Variants in FAM228A observed in about 807,000 individuals in gnomAD.
FAM228A encodes the protein protein FAM228A.
A neutral mutation model predicts 18.6 loss-of-function variants in FAM228A; 13 were observed. The observed-to-expected ratio is 0.70, with a 90% CI of 0.45 to 1.11. The LOEUF (loss-of-function observed/expected upper bound fraction) is 1.11. Among genes scored for constraint, FAM228A ranks in the 50% least tolerant of loss-of-function variants. The probability of loss-of-function intolerance (pLI) is 0.00; values close to 1 mark genes in which losing one functional copy is unlikely to be tolerated. For synonymous variants in FAM228A, 77 were observed against 86.6 expected, an observed-to-expected ratio of 0.89 and a Z score of 0.61; for missense variants, 240 against 242.2, an observed-to-expected ratio of 0.99 and a Z score of 0.06.
At chr2:24,186,178 T>G in intron 5 of FAM228A, among the ~76,000 whole-genome samples, 1 of 152,244 alleles carries the variant, frequency 6.6e-6, no homozygotes, top group South Asian at 2.1e-4. Context: ...TTTTGTATTT[T>G]TAGTAGAGAT....
chr2:24,176,910 T>G (rs2151040087), intron 2 of FAM228A, among the ~76,000 whole-genome samples: 1 of 152,326 alleles, frequency 6.6e-6, no homozygotes, highest in East Asian at 1.9e-4. Context: ...AGCTAGAGAT[T>G]AGTGCATAGT....
rs1253122550 is a variant in FAM228A, at chr2:24,190,533, G to A, written c.523G>A (p.Val175Met). Residue 175 changes from valine to methionine, a missense_variant, in exon 6 of 6, where the codon GTG becomes ATG. Val to Met is a conservative substitution (Grantham distance 21). Coordinates refer to ENST00000295150, the MANE Select transcript of FAM228A (RefSeq NM_001040710.3). ...LSSKLSQKNK[V>M]GERKGLVSRG... ...CTCAAAGCTCAGCCAGAAGAACAAA[G>A]TGGGTGAAAGAAAGGGTCTGGTGAG... 6.2e-7 allele frequency: 1 copy of A among 1,614,160 alleles called. No individual in the cohort carries two copies. The highest frequency in any genetic ancestry group is 8.5e-7 in the Non-Finnish European group (1 of 1,180,026).
chr2:24,188,533 T>A (rs1668008942), intron 5 of FAM228A: 1 of 985,358 alleles, frequency 1.0e-6, no homozygotes, highest in Non-Finnish European at 1.2e-6. Context: ...GGGAGGGTGA[T>A]GTTGAGAACA....
At position 24,175,083 on chromosome 2, in the gene FAM228A, C is replaced by CT. The variant is rs1477980634; in HGVS notation, c.-103dup. On this transcript the variant is annotated 5_prime_UTR_variant, in exon 1 of 6. Transcript: ENST00000295150. ...CCCCGACGCTCGGGCCCGCGGGCTC[C>CT]TTTCTCCGTCGCCGCTCCAGGACGC... 4.7e-5 allele frequency: 8 copies of CT among 171,668 alleles called. No homozygotes were observed. Among genetic ancestry groups the CT allele is most frequent in the African/African-American group, 1.7e-4 (7 of 41,682 alleles). 10.6% of individuals were successfully genotyped at this position (171,668 alleles called of 1,614,324 possible). A position where few individuals can be genotyped will look rare whatever the true frequency, so the allele number is the denominator to read the frequency against.
rs1668069712 is a variant in FAM228A, at chr2:24,190,921, C to T, written c.*290C>T. 1 of 1,117,922 alleles carries T rather than the reference C, an allele frequency of 8.9e-7. No individual in the cohort carries two copies. Among genetic ancestry groups the T allele is most frequent in the Non-Finnish European group, 1.1e-6 (1 of 914,836 alleles). 69.3% of individuals were successfully genotyped at this position (1,117,922 alleles called of 1,614,324 possible). A position where few individuals can be genotyped will look rare whatever the true frequency, so the allele number is the denominator to read the frequency against. On this transcript the variant is annotated 3_prime_UTR_variant, in exon 6 of 6. Coordinates refer to ENST00000295150, the MANE Select transcript of FAM228A (RefSeq NM_001040710.3). ...GATTTCTTCAGCGCCTTCGCCCGGG[C>T]CTTTGCCCTTCTGCCACTTTCCTAC... is the stretch of plus-strand genomic sequence containing the variant.
intron 4 of FAM228A, 25 bp downstream of exon 4, chr2:24,183,397 T>C (rs1386279648): frequency 1.9e-6 from 3 of 1,607,910 alleles, no homozygotes; most frequent in Admixed American, 3.3e-5. Context: ...CTGGGCCTCA[T>C]TTTTTTGAGA....
chr2:24,189,242 A>C (rs1359957549), intron 5 of FAM228A, among the ~76,000 whole-genome samples: 1 of 152,174 alleles, frequency 6.6e-6, no homozygotes, highest in Non-Finnish European at 1.5e-5. Context: ...CCTTATGACA[A>C]AGCCCAGGCC....
chr2:24,178,231 G>T (rs1667735880), intron 3 of FAM228A, among the ~76,000 whole-genome samples: 1 of 152,070 alleles, frequency 6.6e-6, no homozygotes. Flanking sequence ...AGCTTTTAAG[G>T]GTTATGACCA....
chr2:24,179,960 G>A (rs1216815686), intron 3 of FAM228A, among the ~76,000 whole-genome samples: 1 of 152,210 alleles, frequency 6.6e-6, no homozygotes. Context: ...TAGCCAACCA[G>A]TAGGTATTAG....
chr2:24,188,340 C>T (rs1668000655), intron 5 of FAM228A: 1 of 655,068 alleles, frequency 1.5e-6, no homozygotes, highest in South Asian at 6.8e-5. Context: ...GTGATCAACC[C>T]ATCATCTAAG....
Position 24,177,216 on chromosome 2 carries a change from G to A in FAM228A, c.94-586G>A, listed in dbSNP as rs576507402. Among the ~76,000 whole-genome samples, 6 of 152,310 alleles carry A rather than the reference G, an allele frequency of 3.9e-5. No homozygotes were observed. The South Asian group carries it at 1.0e-3, about 26-fold the overall frequency. On this transcript the variant is annotated intron_variant, in intron 2 of 5. Transcript: ENST00000295150. ...GCACTTTGGGAGGCCAAGGTGGGTG[G>A]ATCACTTGAGGTCAGGAGTTCGAGA...
At chr2:24,190,291 T>TG (rs1668048363) in intron 5 of FAM228A, 121 bp from the exon 6 acceptor site, 1 of 1,219,280 alleles carries the variant, frequency 8.2e-7, no homozygotes. Context: ...CAGTGATGGC[T>TG]GGTCAGTCGT....
chr2:24,186,661 CAT>C (rs1667956152), intron 5 of FAM228A, among the ~76,000 whole-genome samples: 1 of 151,226 alleles, frequency 6.6e-6, no homozygotes, highest in Non-Finnish European at 1.5e-5. Flanking sequence ...TTTTTTGAGA[CAT>C]AGTCTTGCTC....
intron 3 of FAM228A, among the ~76,000 whole-genome samples, chr2:24,181,760 T>C (rs191588686): frequency 7.4e-4 from 112 of 152,236 alleles, no homozygotes; most frequent in Admixed American, 2.2e-3. Context: ...TTTTTATTCT[T>C]AGGAGCTCTG....
At chr2:24,184,321 A>C (rs1232419505) in intron 5 of FAM228A, among the ~76,000 whole-genome samples, 3 of 151,626 alleles carry the variant, frequency 2.0e-5, no homozygotes, top group Non-Finnish European at 2.9e-5. Context: ...CAGAAGTTGC[A>C]GTGAGTCGAG....
intron 3 of FAM228A, among the ~76,000 whole-genome samples, chr2:24,182,580 T>C (rs1365424936): frequency 2.0e-5 from 3 of 152,146 alleles, no homozygotes; most frequent in Non-Finnish European, 4.4e-5. Flanking sequence ...TCTGGTCACC[T>C]GACCCTCTGT....
At chr2:24,184,511 A>G (rs1327260570) in intron 5 of FAM228A, among the ~76,000 whole-genome samples, 1 of 151,942 alleles carries the variant, frequency 6.6e-6, no homozygotes, top group Non-Finnish European at 1.5e-5. Flanking sequence ...TGTTGCATAT[A>G]GCTCCAGTGT....
intron 3 of FAM228A, among the ~76,000 whole-genome samples, chr2:24,180,064 CAG>C (rs1374264393): frequency 6.6e-6 from 1 of 152,054 alleles, no homozygotes; most frequent in Non-Finnish European, 1.5e-5. Context: ...GGTCAGCTCT[CAG>C]AATTTGGGTC....
intron 3 of FAM228A, among the ~76,000 whole-genome samples, chr2:24,178,441 G>A (rs1667742608): frequency 6.6e-6 from 1 of 152,064 alleles, no homozygotes; most frequent in African/African-American, 2.4e-5. Flanking sequence ...AGACATGGTG[G>A]CACACGCCTG....
Sources: allele counts gnomAD v4.1 joint callset (sites outside exome capture counted in the v4.1 genomes callset), GRCh38; gene constraint gnomAD v4.1.1; transcripts MANE v1.5; gene names NCBI Gene and HGNC (gene_info 2026-07-23, HGNC 2026-07-21).